The following FMO2 variants were observed in gnomAD, a reference collection of about 807,000 sequenced individuals.
The protein encoded by FMO2 is flavin containing dimethylaniline monoxygenase 2.
In FMO2, 33 loss-of-function variants were observed where a neutral mutation model predicts 41.6. That is an observed-to-expected ratio of 0.79 (90% CI 0.60 to 1.06). The LOEUF (loss-of-function observed/expected upper bound fraction) is 1.06. Ranked by LOEUF, FMO2 falls within the 50% of genes least tolerant of loss-of-function variation. The pLI is 0.00. For missense variants in FMO2, 619 were observed against 632.9 expected (o/e 0.98, Z 0.23); for synonymous variants, 214 against 219.6 (o/e 0.97, Z 0.23).
chr1:171,207,773 T>C lies in FMO2; in HGVS notation c.1239T>C (p.Asn413=), dbSNP rs2020865. ...RTMMMDIIKR[N]EKRIDLFGES... ...TGATGATGGACATTATCAAAAGGAATGAAAAAAGAATTGACCTGTAAGAAT... is the reference window on the plus strand; with the variant it reads ...TGATGATGGACATTATCAAAAGGAACGAAAAAAGAATTGACCTGTAAGAAT... Residue 413 remains asparagine, a synonymous_variant, in exon 8 of 9, where the codon AAT becomes AAC. Coordinates refer to ENST00000209929, the MANE Select transcript of FMO2 (RefSeq NM_001460.5). The C allele has an allele frequency of 6.2e-7, 1 of 1,603,028 alleles. No homozygotes were observed. Among genetic ancestry groups the C allele is most frequent in the African/African-American group, 1.3e-5 (1 of 74,236 alleles).
chr1:171,186,737 A>C (rs1187166530), intron 2 of FMO2, among the ~76,000 whole-genome samples: 1 of 152,172 alleles, frequency 6.6e-6, no homozygotes, highest in African/African-American at 2.4e-5. Flanking sequence ...ACTGTCCTTA[A>C]AAATTTGTAT....
chr1:171,193,432 A>C lies in FMO2; in HGVS notation c.230A>C (p.Asp77Ala), dbSNP rs2101987385. ...TTCAGTGACTTTCCAATGCCTGAAG[A>C]TTTTCCAAACTTCCTGCATAATTCT... ...SCFSDFPMPEDFPNFLHNSKL... is the reference protein window; with the variant it reads ...SCFSDFPMPEAFPNFLHNSKL... Residue 77 changes from aspartate to alanine, a missense_variant, in exon 3 of 9, where the codon GAT becomes GCT. By Grantham distance (126) the Asp-to-Ala change is moderately radical. Transcript: ENST00000209929. 1 of 1,612,310 alleles carries C rather than the reference A, an allele frequency of 6.2e-7. No individual in the cohort carries two copies. The highest frequency in any genetic ancestry group is 2.2e-5 in the East Asian group (1 of 44,858).
chr1:171,205,205 C>T, intron 6 of FMO2, 74 bp from the exon 7 acceptor site: 1 of 892,612 alleles, frequency 1.1e-6, no homozygotes, highest in South Asian at 1.8e-5. Context: ...AGAGCCGTAC[C>T]CCAAAAATAT....
At chr1:171,198,136 G>A (rs28369864) in intron 4 of FMO2, among the ~76,000 whole-genome samples, 17,938 of 152,042 alleles carry the variant, frequency 0.12, 1,194 homozygotes, top group African/African-American at 0.17. Flanking sequence ...CAACCCCACC[G>A]TCAATGGCAA....
At chr1:171,185,894 G>T (rs536785146) in intron 2 of FMO2, 49 bp downstream of exon 2, 4 of 1,584,164 alleles carry the variant, frequency 2.5e-6, no homozygotes, top group Non-Finnish European at 3.5e-6. Context: ...GTTATTTCAG[G>T]GTGAATCACA....
At chr1:171,201,840 C>CT (rs869282602) in intron 5 of FMO2, among the ~76,000 whole-genome samples, 1 of 214 alleles carries the variant, frequency 4.7e-3, no homozygotes, top group Non-Finnish European at 9.6e-3. Flanking sequence ...GAAGGGGGAA[C>CT]CCTTATAAAA....
chr1:171,203,110 C>A (rs1387742873), intron 5 of FMO2, among the ~76,000 whole-genome samples: 2 of 151,896 alleles, frequency 1.3e-5, no homozygotes, highest in African/African-American at 4.8e-5. Flanking sequence ...TGGGAGGCTG[C>A]GGCAGGAGGA....
At chr1:171,196,903 C>G (rs994915448) in intron 4 of FMO2, 92 bp downstream of exon 4, 4 of 1,102,032 alleles carry the variant, frequency 3.6e-6, no homozygotes, top group Admixed American at 2.1e-5. Context: ...ATTGCTGCAA[C>G]TGGGCAGAAC....
intron 6 of FMO2, among the ~76,000 whole-genome samples, chr1:171,204,772 C>A (rs914168016): frequency 6.6e-6 from 1 of 152,142 alleles, no homozygotes; most frequent in Non-Finnish European, 1.5e-5. Flanking sequence ...CTAACAGAGA[C>A]TCCATGGATA....
chr1:171,200,324 G>A lies in FMO2; in HGVS notation c.627+836G>A, dbSNP rs958024510. On this transcript the variant is annotated intron_variant, in intron 5 of 8. Coordinates refer to ENST00000209929, the MANE Select transcript of FMO2 (RefSeq NM_001460.5). ...ATGATGCTGCTGATAGTGGTGGTCAGGAATAGCAAAAACTAAACTCCTTCT... is the reference window on the plus strand; with the variant it reads ...ATGATGCTGCTGATAGTGGTGGTCAAGAATAGCAAAAACTAAACTCCTTCT... Among the ~76,000 whole-genome samples the A allele has an allele frequency of 5.3e-5, 8 of 152,128 alleles. No homozygotes were observed. The South Asian group carries it at 1.7e-3, about 32-fold the overall frequency.
In FMO2 at chr1:171,193,627, T is replaced by C. The variant is rs1282194883; in HGVS notation, c.321+104T>C. The C allele has an allele frequency of 5.3e-6, 4 of 759,080 alleles. No individual in the cohort carries two copies. In the African/African-American group the frequency reaches 7.2e-5, roughly 14 times the overall value. The allele number at this position is 759,080 out of a possible 1,614,324, so 47.0% of individuals were successfully genotyped here. On this transcript the variant is annotated intron_variant, in intron 3 of 8. Coordinates refer to ENST00000209929, the MANE Select transcript of FMO2 (RefSeq NM_001460.5). ...AAGCAATTATGAATGAAGTATCCCA[T>C]TCTAAGTATTTGTTGAAATATAACA...
In FMO2 at chr1:171,196,818, C is replaced by A. The variant is rs889395579; in HGVS notation, c.484+7C>A. The A allele has an allele frequency of 6.2e-7, 1 of 1,610,152 alleles. No individual in the cohort carries two copies. Among genetic ancestry groups the A allele is most frequent in the Non-Finnish European group, 8.5e-7 (1 of 1,178,034 alleles). On this transcript the variant is annotated splice_region_variant and intron_variant, in intron 4 of 8. Transcript: ENST00000209929. ...CCACTGAAGTCATTTCCAGGTGAGACCCGCTGGGATTCCCAGCTTTTTGGA... is the reference window on the plus strand; with the variant it reads ...CCACTGAAGTCATTTCCAGGTGAGAACCGCTGGGATTCCCAGCTTTTTGGA...
intron 5 of FMO2, 85 bp from the exon 6 acceptor site, chr1:171,203,780 C>A: frequency 8.6e-7 from 1 of 1,159,744 alleles, no homozygotes; most frequent in Non-Finnish European, 1.3e-6. Flanking sequence ...TCTGGGGCTA[C>A]ACATGTGATA....
At chr1:171,191,860 C>CAAAAAAAA (rs61114452) in intron 2 of FMO2, among the ~76,000 whole-genome samples, 3 of 73,760 alleles carry the variant, frequency 4.1e-5, no homozygotes, top group South Asian at 4.0e-4. Context: ...CTCATCTCTA[C>CAAAAAAAA]AAAAAAAAAA....
chr1:171,201,006 C>G (rs1354426407), intron 5 of FMO2, among the ~76,000 whole-genome samples: 1 of 152,188 alleles, frequency 6.6e-6, no homozygotes, highest in Non-Finnish European at 1.5e-5. Flanking sequence ...CCAAAGATAT[C>G]AAATCTTAGA....
intron 2 of FMO2, among the ~76,000 whole-genome samples, chr1:171,186,852 GC>G (rs1181840064): frequency 6.6e-6 from 1 of 152,156 alleles, no homozygotes; most frequent in Non-Finnish European, 1.5e-5. Context: ...GAGATCTTGA[GC>G]AAGTTATTTA....
Position 171,205,494 on chromosome 1 carries a change from A to C in FMO2, c.1043A>C (p.Asn348Thr). ...GATTCACTCGTTAAAGTAGAGAATAATATGGTCTCACTGTATAAATACATA... is the reference window on the plus strand; with the variant it reads ...GATTCACTCGTTAAAGTAGAGAATACTATGGTCTCACTGTATAAATACATA... ...LEDSLVKVEN[N>T]MVSLYKYIFP... Residue 348 changes from asparagine (N) to threonine (T), a missense_variant, in exon 7 of 9, where the codon AAT (asparagine) becomes ACT (threonine). Physicochemically the swap from Asn to Thr is moderately conservative, Grantham distance 65 (BLOSUM62 0). Transcript: ENST00000209929. The C allele has an allele frequency of 6.2e-7, 1 of 1,613,844 alleles. No homozygotes were observed. The highest frequency in any genetic ancestry group is 8.5e-7 in the Non-Finnish European group (1 of 1,179,820).
In FMO2 at chr1:171,209,057, C is replaced by A; in HGVS notation, c.1520C>A (p.Ser507Ter). 1 of 1,144,634 alleles carries A rather than the reference C, an allele frequency of 8.7e-7. No individual in the cohort carries two copies. The highest frequency in any genetic ancestry group is 1.2e-6 in the Non-Finnish European group (1 of 802,390). 70.9% of individuals were successfully genotyped at this position (1,144,634 alleles called of 1,614,324 possible). The change falls in exon 9 of 9, where the codon TCA (serine) becomes TAA (stop). Residue 507 changes from serine to a stop codon, truncating the protein, a stop_gained. Coordinates refer to ENST00000209929, the MANE Select transcript of FMO2 (RefSeq NM_001460.5). LOFTEE classifies it low-confidence loss of function (END_TRUNC). ...CTCAAGACTCGGGCCCTGAAGGATTCATCTAATTTCTCAGTTTCTTTTCTG... is the reference window on the plus strand; with the variant it reads ...CTCAAGACTCGGGCCCTGAAGGATTAATCTAATTTCTCAGTTTCTTTTCTG... ...KPLKTRALKD[S>*]SNFSVSFLLK... is the part of the protein sequence containing the mutation.
intron 5 of FMO2, among the ~76,000 whole-genome samples, 160 bp from the exon 6 acceptor site, chr1:171,203,705 G>T (rs549542696): frequency 6.6e-6 from 1 of 152,246 alleles, no homozygotes; most frequent in South Asian, 2.1e-4. Flanking sequence ...ATGCCACTGG[G>T]TACCCCTATT....
Sources: allele counts gnomAD v4.1 joint callset (sites outside exome capture counted in the v4.1 genomes callset), GRCh38; gene constraint gnomAD v4.1.1; transcripts MANE v1.5; gene names NCBI Gene and HGNC (gene_info 2026-07-23, HGNC 2026-07-21).